Variants in ANKRD24 observed in about 807,000 individuals in gnomAD.
ANKRD24 encodes ankyrin repeat domain 24, also known as ankyrin repeat domain-containing protein 24.
In ANKRD24, 109 loss-of-function variants were observed where a neutral mutation model predicts 127.8. That is an observed-to-expected ratio of 0.85 (90% confidence interval 0.73 to 1.00). ANKRD24 has a LOEUF of 1.00. Among genes scored for constraint, ANKRD24 ranks in the 50% least tolerant of loss-of-function variants. The pLI is 0.00. For synonymous variants in ANKRD24, 743 were observed against 671.1 expected, an observed-to-expected ratio of 1.11 and a Z score of -1.66; for missense variants, 1,648 against 1,570.2, an observed-to-expected ratio of 1.05 and a Z score of -0.84.
rs746307376 is a variant in ANKRD24, at chr19:4,224,530, C to A, written c.*25C>A. The A allele has an allele frequency of 6.3e-7, 1 of 1,594,372 alleles. No homozygotes were observed. The highest frequency in any genetic ancestry group is 2.3e-5 in the East Asian group (1 of 43,668). Reference sequence around the variant, plus strand: ...AGAAAGGCCAGGCCCAGTGGCTACACTGACCACACCCACGCAGGGACCTCA... The same window carrying A: ...AGAAAGGCCAGGCCCAGTGGCTACAATGACCACACCCACGCAGGGACCTCA... On this transcript the variant is annotated 3_prime_UTR_variant, in exon 22 of 22. Coordinates refer to ENST00000318934, the MANE Select transcript of ANKRD24 (RefSeq NM_001393985.1).
In ANKRD24 at chr19:4,217,649, G is replaced by C. The variant is rs1189095200; in HGVS notation, c.2489G>C (p.Arg830Pro). Reference protein sequence around the residue: ...ASRLLAEEEARGLRAELAQRE... With the variant: ...ASRLLAEEEAPGLRAELAQRE... ...CGGCTGCTGGCGGAGGAGGAGGCGCGGGGCCTGCGGGCCGAGCTGGCCCAG... is the reference window on the plus strand; with the variant it reads ...CGGCTGCTGGCGGAGGAGGAGGCGCCGGGCCTGCGGGCCGAGCTGGCCCAG... Residue 830 changes from arginine (R) to proline (P), a missense_variant, in exon 18 of 22, where the codon CGG (arginine) becomes CCG (proline). Coordinates refer to ENST00000318934, the MANE Select transcript of ANKRD24 (RefSeq NM_001393985.1). 7.8e-7 allele frequency: 1 copy of C among 1,285,052 alleles called. No homozygotes were observed. Among genetic ancestry groups the C allele is most frequent in the Admixed American group, 4.3e-5 (1 of 23,150 alleles). The allele number at this position is 1,285,052 out of a possible 1,614,324, so 79.6% of individuals were successfully genotyped here. A position where few individuals can be genotyped will look rare whatever the true frequency, so the allele number is the denominator to read the frequency against.
At position 4,200,074 on chromosome 19, in the gene ANKRD24, C is replaced by T. The variant is rs1969011393; in HGVS notation, c.255-9C>T. On this transcript the variant is annotated splice_polypyrimidine_tract_variant and intron_variant, in intron 4 of 21. Coordinates refer to ENST00000318934, the MANE Select transcript of ANKRD24 (RefSeq NM_001393985.1). ...ACCTTGCGGCTGAACCCTTGTCTCT[C>T]ACCTCCAGGTTCCACCTGGCGGCCA... The T allele has an allele frequency of 1.9e-6, 3 of 1,578,310 alleles. No individual in the cohort carries two copies. Among genetic ancestry groups the T allele is most frequent in the East Asian group, 2.3e-5 (1 of 43,032 alleles).
chr19:4,224,337 C>G, intron 21 of ANKRD24, 91 bp from the exon 22 acceptor site: 1 of 1,478,708 alleles, frequency 6.8e-7, no homozygotes, highest in East Asian at 2.4e-5. Context: ...GCATTTCCCT[C>G]CTGGCTGGCT....
In ANKRD24 at chr19:4,186,273, G is replaced by C. The variant is rs1308289480; in HGVS notation, c.-36-117G>C. On this transcript the variant is annotated intron_variant, in intron 1 of 21. Coordinates refer to ENST00000318934, the MANE Select transcript of ANKRD24 (RefSeq NM_001393985.1). ...TAGAGCAGGTCTGTGTCTTGCTCTAGGGGCCAGGACTGGTCAGGAAGGAGG... is the reference window on the plus strand; with the variant it reads ...TAGAGCAGGTCTGTGTCTTGCTCTACGGGCCAGGACTGGTCAGGAAGGAGG... 3 of 1,466,360 alleles carry C rather than the reference G, an allele frequency of 2.0e-6. No individual in the cohort carries two copies. In the East Asian group the frequency reaches 7.5e-5, roughly 37 times the overall value. 90.8% of individuals were successfully genotyped at this position (1,466,360 alleles called of 1,614,324 possible).
At chr19:4,224,105 C>A in intron 20 of ANKRD24, 22 bp from the exon 21 acceptor site, 1 of 1,608,158 alleles carries the variant, frequency 6.2e-7, no homozygotes, top group Non-Finnish European at 8.5e-7. Flanking sequence ...CTCTTCTGAG[C>A]GCCCCTTCCT....
chr19:4,185,616 A>C (rs1244193877), intron 1 of ANKRD24, among the ~76,000 whole-genome samples: 3 of 152,206 alleles, frequency 2.0e-5, no homozygotes, highest in Admixed American at 6.5e-5. Flanking sequence ...ACAGAAGTGC[A>C]CGTGTGCACA....
chr19:4,183,441 C>A, intron 1 of ANKRD24: 2 of 769,068 alleles, frequency 2.6e-6, no homozygotes, highest in Non-Finnish European at 3.2e-6. Flanking sequence ...ACCATCTATG[C>A]CCTGGTGGCT....
intron 19 of ANKRD24, 84 bp from the exon 20 acceptor site, chr19:4,222,586 C>A (rs1970499076): frequency 3.5e-6 from 5 of 1,429,232 alleles, no homozygotes; most frequent in Non-Finnish European, 4.6e-6. Flanking sequence ...GCCTTTATCC[C>A]TGGCCTCTTC....
chr19:4,207,297 A>G lies in ANKRD24; in HGVS notation c.522A>G (p.Leu174=). The G allele has an allele frequency of 5.6e-6, 9 of 1,613,840 alleles. No individual in the cohort carries two copies. The highest frequency in any genetic ancestry group is 7.6e-6 in the Non-Finnish European group (9 of 1,179,832). ...TGCTCTGCTCCTTTAAGGCACATCT[A>G]AACCCCCAAGATCGGGTAAGCTTCT... ...SEVLCSFKAH[L]NPQDRSGATP... Residue 174 remains leucine, a synonymous_variant, in exon 8 of 22, where the codon CTA becomes CTG. Transcript: ENST00000318934.
intron 19 of ANKRD24, 69 bp from the exon 20 acceptor site, chr19:4,222,601 G>A (rs1189945559): frequency 6.8e-6 from 10 of 1,464,154 alleles, no homozygotes; most frequent in Middle Eastern, 1.8e-4. Flanking sequence ...CTCTTCCTGC[G>A]GCTGCAGAGA....
At chr19:4,196,590 T>G (rs1290199207) in intron 2 of ANKRD24, among the ~76,000 whole-genome samples, 1 of 152,104 alleles carries the variant, frequency 6.6e-6, no homozygotes, top group Non-Finnish European at 1.5e-5. Context: ...GGCCAAGCTG[T>G]TCTCGAACTC....
chr19:4,182,802 C>T, intron 1 of ANKRD24, 62 bp downstream of exon 1: 1 of 956,644 alleles, frequency 1.0e-6, no homozygotes, highest in African/African-American at 1.8e-5. Context: ...GGGCGGCCGC[C>T]TACGTGAGAG....
At position 4,216,952 on chromosome 19, in the gene ANKRD24, G is replaced by A. The variant is rs750619926; in HGVS notation, c.1792G>A (p.Glu598Lys). Residue 598 changes from glutamate (E) to lysine (K), a missense_variant, in exon 18 of 22, where the codon GAA becomes AAA. Physicochemically the swap from Glu to Lys is moderately conservative, Grantham distance 56. Transcript: ENST00000318934. ...TGAGGCCACAGGAGCCAAGGTCACA[G>A]AAACAAAACCCACAGGGGCTGAGGT... ...GAEATGAKVTETKPTGAEVRE... is the reference protein window; with the variant it reads ...GAEATGAKVTKTKPTGAEVRE... The A allele has an allele frequency of 3.2e-5, 52 of 1,612,054 alleles. No homozygotes were observed. The highest frequency in any genetic ancestry group is 4.2e-5 in the Non-Finnish European group (50 of 1,179,242).
At chr19:4,207,698 T>G in intron 9 of ANKRD24, 83 bp from the exon 10 acceptor site, 1 of 1,590,636 alleles carries the variant, frequency 6.3e-7, no homozygotes, top group South Asian at 1.1e-5. Flanking sequence ...CAGCCTCCTC[T>G]TCCCAGCCTG....
chr19:4,199,980 A>G lies in ANKRD24; in HGVS notation c.229A>G (p.Lys77Glu). 6.4e-7 allele frequency: 1 copy of G among 1,565,128 alleles called. No individual in the cohort carries two copies. The highest frequency in any genetic ancestry group is 8.7e-7 in the Non-Finnish European group (1 of 1,154,794). The change falls in exon 4 of 22, where the codon AAG becomes GAG. Residue 77 changes from lysine (K) to glutamate (E), a missense_variant. Physicochemically the swap from Lys to Glu is moderately conservative, Grantham distance 56. Transcript: ENST00000318934. This position sits in a 1 kb window ranked among gnomAD's most constrained non-coding sequence, Gnocchi z 5.2. Reference sequence around the variant, plus strand: ...CGCCCGCAAGGGGCTGGTGCCCACGAAGCTAGACCCCGAGGGCAAGTCCGC... The same window carrying G: ...CGCCCGCAAGGGGCTGGTGCCCACGGAGCTAGACCCCGAGGGCAAGTCCGC... ...LIARKGLVPT[K>E]LDPEGKSAFH...
rs59999057 is a variant in ANKRD24 at position 4,197,365 on chromosome 19, GGAATGAAT to G, written c.37-2304_37-2297del. Among the ~76,000 whole-genome samples the G allele has an allele frequency of 2.8e-3, 422 of 151,438 alleles. 3 individuals carry two copies. Among genetic ancestry groups the G allele is most frequent in the African/African-American group, 8.9e-3 (366 of 41,324 alleles). The stretch of plus-strand genomic sequence containing the variant: ...GCCAATGAATGAGCAAATGAGTGTG[GGAATGAAT>G]GAATGAATGAATGGTGCGGGAATGA... On this transcript the variant is annotated intron_variant, in intron 2 of 21. Coordinates refer to ENST00000318934, the MANE Select transcript of ANKRD24 (RefSeq NM_001393985.1).
At position 4,219,673 on chromosome 19, in the gene ANKRD24, G is replaced by A. The variant is rs1452436331; in HGVS notation, c.3086G>A (p.Gly1029Glu). The part of the protein sequence containing the change: ...QLATAEQQLR[G>E]LRTEAERARQ... The stretch of plus-strand genomic sequence containing the variant: ...GCCACAGCAGAGCAGCAGCTACGGG[G>A]GCTACGGACCGAGGCGGAAAGGGCT... Residue 1029 changes from glycine (G) to glutamate (E), a missense_variant, in exon 19 of 22, where the codon GGG (glycine) becomes GAG (glutamate). Physicochemically the swap from Gly to Glu is moderately conservative, Grantham distance 98 (BLOSUM62 -2). Transcript: ENST00000318934. The A allele has an allele frequency of 2.5e-6, 4 of 1,613,732 alleles. No individual in the cohort carries two copies. Among genetic ancestry groups the A allele is most frequent in the Non-Finnish European group, 3.4e-6 (4 of 1,179,832 alleles).
chr19:4,209,948 T>C, intron 11 of ANKRD24, 110 bp from the exon 12 acceptor site: 2 of 654,810 alleles, frequency 3.1e-6, no homozygotes, highest in East Asian at 2.7e-5. Flanking sequence ...TGGTTCCATG[T>C]TCTCAGGAAG....
chr19:4,200,172 G>A lies in ANKRD24; in HGVS notation c.343+1G>A, dbSNP rs759489942. ...AATGTCATGAGCGCGGACGGGGCAG[G>A]TACTGCCAGCTGGGCCCCGGGGAGG... On this transcript the variant is annotated splice_donor_variant, in intron 5 of 21. Transcript: ENST00000318934. LOFTEE classifies it high-confidence loss of function. 3.1e-6 allele frequency: 5 copies of A among 1,597,866 alleles called. No individual in the cohort carries two copies. The highest frequency in any genetic ancestry group is 4.3e-6 in the Non-Finnish European group (5 of 1,173,236).
Sources: allele counts gnomAD v4.1 joint callset (sites outside exome capture counted in the v4.1 genomes callset), GRCh38; gene constraint gnomAD v4.1.1; non-coding constraint Gnocchi (gnomAD v3.1); transcripts MANE v1.5; gene names NCBI Gene and HGNC (gene_info 2026-07-23, HGNC 2026-07-21).